NIN: variants seen among roughly 807,000 people sequenced by gnomAD.
The protein encoded by NIN is glycogen synthase kinase 3 beta-interacting protein.
Under a neutral mutation model 257.6 loss-of-function variants are expected in NIN, and 137 were observed. The observed-to-expected ratio is 0.53, with a 90% confidence interval of 0.46 to 0.61. The LOEUF is 0.61. NIN is among the 20% of genes least tolerant of loss of function. The pLI, the probability that NIN is intolerant of heterozygous loss-of-function variation, is 0.00. For missense variants in NIN, 2,439 were observed against 2,501.2 expected, an observed-to-expected ratio of 0.98 and a Z score of 0.53; for synonymous variants, 918 against 919.8, an observed-to-expected ratio of 1.00 and a Z score of 0.04.
chr14:50,782,737 G>A lies in NIN; in HGVS notation c.436-3933C>T, dbSNP rs181668198. ...ACTAAATTTATTTCCTGTGACTTGG[G>A]GGTGGGATAAAGGGAAGCTCCCTCC... On this transcript the variant is annotated intron_variant, in intron 5 of 30. Transcript: ENST00000530997. Among the ~76,000 whole-genome samples, 734 of 152,266 alleles carry A rather than the reference G, an allele frequency of 4.8e-3. 3 individuals are homozygous for A. Among genetic ancestry groups the A allele is most frequent in the Non-Finnish European group, 7.4e-3 (502 of 68,022 alleles).
intron 3 of NIN, among the ~76,000 whole-genome samples, chr14:50,811,923 G>A (rs540004699): frequency 6.7e-6 from 1 of 150,106 alleles, no homozygotes; most frequent in South Asian, 2.1e-4. Flanking sequence ...GAACCCGGGA[G>A]GCGGAGCTTG....
chr14:50,801,786 T>C (rs1212760436), intron 4 of NIN, among the ~76,000 whole-genome samples: 1 of 152,264 alleles, frequency 6.6e-6, no homozygotes, highest in Non-Finnish European at 1.5e-5. Context: ...TCTGTTACAA[T>C]GAAACAATCA....
Position 50,770,513 on chromosome 14 carries a change from G to T in NIN, c.1309C>A (p.Leu437Ile). The T allele has an allele frequency of 6.2e-7, 1 of 1,614,166 alleles. No individual in the cohort carries two copies. Among genetic ancestry groups the T allele is most frequent in the Non-Finnish European group, 8.5e-7 (1 of 1,180,024 alleles). The change falls in exon 12 of 31, where the codon CTC (leucine) becomes ATC (isoleucine). Residue 437 changes from leucine (L) to isoleucine (I), a missense_variant. This residue lies in a region of NIN where 2,043 missense variants were observed against 2,050.2 expected (regional missense o/e 1.00). Transcript: ENST00000530997. ...KERIAALKNELRKEREQILQQ... is the reference protein window; with the variant it reads ...KERIAALKNEIRKEREQILQQ... ...AGGATCTGCTCTCTCTCTTTTCGGAGTTCATTTTTTAAGGCTGCTATTCGC... is the reference window on the plus strand; with the variant it reads ...AGGATCTGCTCTCTCTCTTTTCGGATTTCATTTTTTAAGGCTGCTATTCGC...
At chr14:50,772,110 A>G (rs1179465463) in intron 9 of NIN, 191 bp downstream of exon 9, 3 of 499,502 alleles carry the variant, frequency 6.0e-6, no homozygotes, top group African/African-American at 1.9e-5. Context: ...GGGGTTAAAA[A>G]CACGGAAAGT....
At chr14:50,724,261 C>T (rs1045053876) in intron 30 of NIN, 1 of 208,278 alleles carries the variant, frequency 4.8e-6, no homozygotes, top group Non-Finnish European at 9.8e-6. Flanking sequence ...TGTTAGCAGC[C>T]TTGGGATACT....
intron 3 of NIN, among the ~76,000 whole-genome samples, chr14:50,819,190 C>A (rs1289220108): frequency 1.3e-5 from 2 of 152,112 alleles, no homozygotes; most frequent in African/African-American, 4.8e-5. Context: ...CCAGAAGCAT[C>A]CAGGAAGTTG....
intron 3 of NIN, among the ~76,000 whole-genome samples, chr14:50,818,318 CAAAAAAAAAAA>C (rs5808573): frequency 4.9e-5 from 4 of 81,682 alleles, no homozygotes; most frequent in African/African-American, 1.8e-4. Flanking sequence ...GAGACTCTGT[CAAAAAAAAAAA>C]AAAAAAAAAA....
Position 50,757,310 on chromosome 14 carries a change from T to C in NIN, c.3720A>G (p.Arg1240=), listed in dbSNP as rs761644208. ...VLKKKLKMLE[R]IPEASPKYKL... The stretch of plus-strand genomic sequence containing the variant: ...TATATTTGGGAGAAGCCTCAGGGAT[T>C]CTCTCAAGCATCTTCAGTTTCTTTT... The change falls in exon 18 of 31, where the codon AGA becomes AGG. Residue 1240 remains arginine (R), a synonymous_variant. Coordinates refer to ENST00000530997, the MANE Select transcript of NIN (RefSeq NM_020921.4). The C allele has an allele frequency of 1.2e-6, 2 of 1,613,986 alleles. No homozygotes were observed. Among genetic ancestry groups the C allele is most frequent in the South Asian group, 1.1e-5 (1 of 91,036 alleles).
rs2984274 is a variant in NIN at position 50,729,424 on chromosome 14, T to C, written c.6078+99A>G. The C allele has an allele frequency of 0.89, 1,022,944 of 1,153,964 alleles. 454,443 individuals carry two copies. The highest frequency in any genetic ancestry group is 1 in the East Asian group (40,290 of 40,302). The allele number at this position is 1,153,964 out of a possible 1,614,324, so 71.5% of individuals were successfully genotyped here. A position where few individuals can be genotyped will look rare whatever the true frequency, so the allele number is the denominator to read the frequency against. On this transcript the variant is annotated intron_variant, in intron 29 of 30. Coordinates refer to ENST00000530997, the MANE Select transcript of NIN (RefSeq NM_020921.4). ...AGCTGGGACTACAGGTGTGTGCCATTAGATTTAGGTTCTTTCTCTCCACCT... is the reference window on the plus strand; with the variant it reads ...AGCTGGGACTACAGGTGTGTGCCATCAGATTTAGGTTCTTTCTCTCCACCT...
intron 12 of NIN, among the ~76,000 whole-genome samples, chr14:50,769,295 C>A (rs1045296153): frequency 6.6e-6 from 1 of 152,124 alleles, no homozygotes; most frequent in Non-Finnish European, 1.5e-5. Context: ...AGATCTAAAC[C>A]AGGCAGCCTG....
intron 27 of NIN, 105 bp from the exon 28 acceptor site, chr14:50,735,722 G>A: frequency 7.2e-7 from 1 of 1,380,886 alleles, no homozygotes; most frequent in Non-Finnish European, 9.6e-7. Context: ...TCAACTCTTG[G>A]AAGAAAGCCA....
At chr14:50,732,420 A>T (rs990548230) in intron 28 of NIN, among the ~76,000 whole-genome samples, 1 of 152,230 alleles carries the variant, frequency 6.6e-6, no homozygotes, top group Non-Finnish European at 1.5e-5. Context: ...CTCTATAGGT[A>T]TCATACTATA....
chr14:50,737,455 G>A (rs1374949084), intron 27 of NIN, among the ~76,000 whole-genome samples: 1 of 120,220 alleles, frequency 8.3e-6, no homozygotes, highest in East Asian at 2.5e-4. Context: ...ATCCTGACTT[G>A]CAGATAAGAC....
At chr14:50,796,140 C>A (rs2043828224) in intron 4 of NIN, among the ~76,000 whole-genome samples, 1 of 152,136 alleles carries the variant, frequency 6.6e-6, no homozygotes, top group African/African-American at 2.4e-5. Flanking sequence ...TCCCATTTTC[C>A]ATTTCTCCTA....
intron 26 of NIN, 69 bp from the exon 27 acceptor site, chr14:50,738,355 A>AGG: frequency 2.1e-6 from 3 of 1,425,178 alleles, no homozygotes; most frequent in Non-Finnish European, 1.9e-6. Context: ...CAACAAACAT[A>AGG]GGGAAAGTTT....
chr14:50,774,731 GC>G (rs2042856714), intron 7 of NIN, among the ~76,000 whole-genome samples: 1 of 152,236 alleles, frequency 6.6e-6, no homozygotes, highest in African/African-American at 2.4e-5. Flanking sequence ...TGTGACATTA[GC>G]CAAATCAGTG....
At chr14:50,795,656 G>A (rs551918925) in intron 4 of NIN, among the ~76,000 whole-genome samples, 2 of 152,292 alleles carry the variant, frequency 1.3e-5, no homozygotes, top group Admixed American at 1.3e-4. Context: ...TGTCATTCTG[G>A]AATAATCTTA....
chr14:50,731,675 A>C (rs915541860), intron 28 of NIN, among the ~76,000 whole-genome samples: 81 of 152,308 alleles, frequency 5.3e-4, no homozygotes, highest in African/African-American at 1.9e-3. Flanking sequence ...TCTACTAAAA[A>C]TACAACCAGG....
rs71118900 is a variant in NIN, at chr14:50,755,648, C to CTTTT, written c.4539-785_4539-782dup. ...TAAATTTCCACTGTTTGTTTTGTCT[C>CTTTT]TTTTTTTTTTTTTTTTTTTTTTTTT... is the stretch of plus-strand genomic sequence containing the variant. On this transcript the variant is annotated intron_variant, in intron 18 of 30. Transcript: ENST00000530997. 2.4e-4 allele frequency among the ~76,000 whole-genome samples: 19 copies of CTTTT among 79,988 alleles called. 1 individual carries two copies. The highest frequency in any genetic ancestry group is 6.5e-3 in the Middle Eastern group (1 of 154). 52.5% of individuals were successfully genotyped at this position (79,988 alleles called of 152,430 possible).
Sources: gnomAD v4.1 joint callset for allele counts (sites outside exome capture counted in the v4.1 genomes callset) on GRCh38, gnomAD v4.1.1 for gene constraint, gnomAD v4.1.1 regional missense constraint, MANE v1.5 for transcripts, NCBI Gene and HGNC (gene_info 2026-07-23, HGNC 2026-07-21) for gene names.